The following XPO4 variants were observed in gnomAD, a reference collection of about 807,000 sequenced individuals.
XPO4 encodes the protein exportin-4.
XPO4 carries 39 observed loss-of-function variants against 143.0 expected under a neutral mutation model. The ratio of observed to expected loss-of-function variants is 0.27; its 90% CI spans 0.21 to 0.36. XPO4 has a LOEUF of 0.36. Ranked by LOEUF, XPO4 falls within the 10% of genes least tolerant of loss-of-function variation. XPO4 has a pLI of 1.00. For missense variants in XPO4, 907 were observed against 1,348.0 expected, an observed-to-expected ratio of 0.67 and a Z score of 5.12; for synonymous variants, 439 against 474.0, an observed-to-expected ratio of 0.93 and a Z score of 0.96.
At chr13:20,851,601 C>A (rs2060087472) in intron 4 of XPO4, 1 of 480,020 alleles carries the variant, frequency 2.1e-6, no homozygotes, top group Non-Finnish European at 2.7e-6. Context: ...CCCAGCTACT[C>A]AGGAGGCTAA....
intron 4 of XPO4, chr13:20,849,542 C>A (rs59178106): frequency 1.0e-6 from 1 of 985,234 alleles, no homozygotes; most frequent in African/African-American, 1.7e-5. Context: ...CAAATTAGTA[C>A]TGACAGCAGG....
chr13:20,880,483 T>C (rs1344103708), intron 1 of XPO4, among the ~76,000 whole-genome samples: 9 of 152,078 alleles, frequency 5.9e-5, no homozygotes, highest in African/African-American at 2.2e-4. Flanking sequence ...GAAGATAGTA[T>C]GGCAGTTCCT....
At chr13:20,852,415 CT>C in intron 4 of XPO4, 5 of 985,432 alleles carry the variant, frequency 5.1e-6, no homozygotes, top group Non-Finnish European at 4.8e-6. Context: ...TCCACCACTT[CT>C]TTTTCCCCAG....
chr13:20,889,258 A>G (rs1388800742), intron 1 of XPO4, among the ~76,000 whole-genome samples: 1 of 152,238 alleles, frequency 6.6e-6, no homozygotes, highest in African/African-American at 2.4e-5. Context: ...ATCACATTGC[A>G]AAACACAAAT....
chr13:20,846,877 G>A (rs576361574), intron 4 of XPO4, among the ~76,000 whole-genome samples: 1 of 152,110 alleles, frequency 6.6e-6, no homozygotes, highest in South Asian at 2.1e-4. Context: ...AAACAAATGT[G>A]TTCTATTTAA....
chr13:20,800,966 A>G lies in XPO4; in HGVS notation c.1842T>C (p.Val614=), dbSNP rs200876067. 1.2e-6 allele frequency: 2 copies of G among 1,613,882 alleles called. No individual in the cohort carries two copies. Among genetic ancestry groups the G allele is most frequent in the Non-Finnish European group, 1.7e-6 (2 of 1,179,950 alleles). The part of the protein sequence containing the change: ...VIRLLSAILR[V]SEVESRAIRA... ...TTATTGCTCGAGATTCAACTTCTGA[A>G]ACTCTGAGAATGGCAGACAACAGCC... The change falls in exon 14 of 23, where the codon GTT becomes GTC. Residue 614 remains valine, a synonymous_variant. Transcript: ENST00000255305.
intron 19 of XPO4, among the ~76,000 whole-genome samples, chr13:20,790,161 A>T (rs1198212388): frequency 1.3e-5 from 2 of 152,166 alleles, no homozygotes; most frequent in African/African-American, 4.8e-5. Context: ...GAGGTAATCA[A>T]AACTGCTAAC....
intron 4 of XPO4, chr13:20,850,691 G>A (rs2060075914): frequency 3.2e-6 from 2 of 621,976 alleles, no homozygotes; most frequent in South Asian, 7.2e-5. Flanking sequence ...CTTGAGCCCA[G>A]GTGATCGAGG....
At chr13:20,892,622 G>A (rs957883938) in intron 1 of XPO4, among the ~76,000 whole-genome samples, 5 of 152,112 alleles carry the variant, frequency 3.3e-5, no homozygotes, top group African/African-American at 1.2e-4. Context: ...CAGCAAGAGA[G>A]ACCAACGTTC....
intron 6 of XPO4, 21 bp downstream of exon 6, chr13:20,842,874 A>C: frequency 6.3e-7 from 1 of 1,587,040 alleles, no homozygotes; most frequent in South Asian, 1.1e-5. Context: ...CAGATAAACT[A>C]TTCATTTGTT....
At position 20,783,681 on chromosome 13, in the gene XPO4, C is replaced by G; in HGVS notation, c.*41G>C. On this transcript the variant is annotated 3_prime_UTR_variant, in exon 23 of 23. Transcript: ENST00000255305. ...AGTCAACTTTCAGCAATTCAGTGCA[C>G]TTTGCAGAAAGGATCTAAATTAAGC... The G allele has an allele frequency of 6.2e-7, 1 of 1,600,784 alleles. No homozygotes were observed. The highest frequency in any genetic ancestry group is 1.1e-5 in the South Asian group (1 of 90,732).
chr13:20,789,637 T>A (rs1422682251), intron 19 of XPO4, among the ~76,000 whole-genome samples: 1 of 151,678 alleles, frequency 6.6e-6, no homozygotes, highest in Admixed American at 6.6e-5. Flanking sequence ...CTCGATCTCC[T>A]GACTTCGTGA....
At chr13:20,821,641 T>C (rs1488059674) in intron 9 of XPO4, 63 bp downstream of exon 9, 25 of 1,525,336 alleles carry the variant, frequency 1.6e-5, no homozygotes, top group Non-Finnish European at 2.2e-5. Context: ...TGAGAAATGT[T>C]CCAAAGGCAC....
chr13:20,834,635 T>C (rs1449603901), intron 6 of XPO4, among the ~76,000 whole-genome samples: 1 of 141,182 alleles, frequency 7.1e-6, no homozygotes, highest in Non-Finnish European at 1.5e-5. Flanking sequence ...TAAAACAGTG[T>C]TGAAAGAAAT....
intron 1 of XPO4, among the ~76,000 whole-genome samples, chr13:20,897,155 T>C (rs1013402390): frequency 6.6e-6 from 1 of 152,206 alleles, no homozygotes; most frequent in Non-Finnish European, 1.5e-5. Flanking sequence ...CAAAAATGCA[T>C]ACTTACTATA....
At chr13:20,795,514 G>A (rs1237033538) in intron 18 of XPO4, among the ~76,000 whole-genome samples, 5 of 152,194 alleles carry the variant, frequency 3.3e-5, no homozygotes, top group Non-Finnish European at 5.9e-5. Context: ...TCATACTGTA[G>A]GTGAGACACT....
chr13:20,869,617 C>A, intron 1 of XPO4: 1 of 773,408 alleles, frequency 1.3e-6, no homozygotes, highest in Non-Finnish European at 1.6e-6. Context: ...TAAATTATAT[C>A]AATTATGCAA....
chr13:20,891,202 C>T (rs925184643), intron 1 of XPO4, among the ~76,000 whole-genome samples: 9 of 150,510 alleles, frequency 6.0e-5, no homozygotes, highest in South Asian at 2.1e-4. Context: ...TAGCCACTAC[C>T]ACAGTGGCTC....
intron 1 of XPO4, among the ~76,000 whole-genome samples, chr13:20,885,853 T>C (rs1342162426): frequency 1.3e-5 from 2 of 152,176 alleles, no homozygotes; most frequent in Non-Finnish European, 2.9e-5. Context: ...AAAATAAAGT[T>C]AATGAAATTG....
Sources: allele counts gnomAD v4.1 joint callset (sites outside exome capture counted in the v4.1 genomes callset), GRCh38; gene constraint gnomAD v4.1.1; transcripts MANE v1.5; gene names NCBI Gene and HGNC (gene_info 2026-07-23, HGNC 2026-07-21).